The following DHODH variants were observed in gnomAD, a reference collection of about 807,000 sequenced individuals.
The protein encoded by DHODH is dihydroorotate dehydrogenase (quinone), mitochondrial.
Under a neutral mutation model 39.7 loss-of-function variants are expected in DHODH, and 30 were observed. The ratio of observed to expected loss-of-function variants is 0.76; its 90% confidence interval spans 0.57 to 1.02. The LOEUF (loss-of-function observed/expected upper bound fraction) is 1.02, where lower values mean the gene tolerates loss of function less well. Among genes scored for constraint, DHODH ranks in the 50% least tolerant of loss-of-function variants. The pLI is 0.00. For missense variants in DHODH, 531 were observed against 520.8 expected, an observed-to-expected ratio of 1.02 and a Z score of -0.19; for synonymous variants, 222 against 213.8, an observed-to-expected ratio of 1.04 and a Z score of -0.34.
At chr16:72,024,098 C>A in intron 8 of DHODH, 47 bp from the exon 9 acceptor site, 1 of 1,606,718 alleles carries the variant, frequency 6.2e-7, no homozygotes, top group South Asian at 1.1e-5. Context: ...AGAGCAGGGC[C>A]TGTTCTCCAC....
intron 1 of DHODH, among the ~76,000 whole-genome samples, chr16:72,011,604 T>G (rs2041082000): frequency 2.0e-5 from 3 of 152,192 alleles, no homozygotes; most frequent in Admixed American, 2.0e-4. Context: ...AAATATAGTT[T>G]GGCTTAGATA....
At chr16:72,022,255 T>C in intron 5 of DHODH, 107 bp from the exon 6 acceptor site, 2 of 794,038 alleles carry the variant, frequency 2.5e-6, no homozygotes, top group Non-Finnish European at 4.2e-6. Context: ...GTTTCTGCTT[T>C]AGTTTGATCG....
Position 72,023,551 on chromosome 16 carries a change from C to T in DHODH, c.1051C>T (p.Leu351=). 6.2e-7 allele frequency: 1 copy of T among 1,614,126 alleles called. No individual in the cohort carries two copies. The highest frequency in any genetic ancestry group is 8.5e-7 in the Non-Finnish European group (1 of 1,180,032). ...GGAGAAGATCCGGGCAGGGGCCTCC[C>T]TGGTGCAGCTGTACACGGCCCTCAC... The part of the protein sequence containing the change: ...ALEKIRAGAS[L]VQLYTALTFW... The change falls in exon 8 of 9, where the codon CTG becomes TTG. Residue 351 remains leucine (L), a synonymous_variant. Transcript: ENST00000219240.
chr16:72,023,433 C>T (rs1338378941), intron 7 of DHODH, 41 bp from the exon 8 acceptor site: 1 of 1,613,986 alleles, frequency 6.2e-7, no homozygotes, highest in Non-Finnish European at 8.5e-7. Context: ...GGGGCTGAAG[C>T]CACATCCTTC....
intron 5 of DHODH, among the ~76,000 whole-genome samples, 157 bp downstream of exon 5, chr16:72,021,468 G>C (rs1186765211): frequency 1.1e-4 from 16 of 152,158 alleles, no homozygotes; most frequent in Non-Finnish European, 2.9e-5. Context: ...AGTCCCCTCT[G>C]ATCCCCTCTC....
chr16:72,023,018 A>G (rs2041237947), intron 6 of DHODH, 147 bp from the exon 7 acceptor site: 1 of 760,174 alleles, frequency 1.3e-6, no homozygotes, highest in Non-Finnish European at 2.3e-6. Context: ...GTTGAGGAAA[A>G]GATGAGTAGT....
chr16:72,013,567 C>A (rs142933570), intron 2 of DHODH: 1 of 152,236 alleles, frequency 6.6e-6, no homozygotes, highest in Non-Finnish European at 1.5e-5. Flanking sequence ...TGGCTCTCCA[C>A]CCTTCACCTA....
In DHODH at chr16:72,024,254, C is replaced by T. The variant is rs1022387647; in HGVS notation, c.*55C>T. 1 of 1,589,886 alleles carries T rather than the reference C, an allele frequency of 6.3e-7. No individual in the cohort carries two copies. Among genetic ancestry groups the T allele is most frequent in the Non-Finnish European group, 8.6e-7 (1 of 1,158,776 alleles). Reference sequence around the variant, plus strand: ...GAACCTTCCCAAGGACTCAGGCAAGCCTTTGTGGCTGGATCATGAGAGGAG... The same window carrying T: ...GAACCTTCCCAAGGACTCAGGCAAGTCTTTGTGGCTGGATCATGAGAGGAG... On this transcript the variant is annotated 3_prime_UTR_variant, in exon 9 of 9. Transcript: ENST00000219240.
Position 72,021,237 on chromosome 16 carries a change from A to T in DHODH, c.631A>T (p.Asn211Tyr). Residue 211 changes from asparagine to tyrosine, a missense_variant, in exon 5 of 9, where the codon AAT (asparagine) becomes TAT (tyrosine). Coordinates refer to ENST00000219240, the MANE Select transcript of DHODH (RefSeq NM_001361.5). ...LGPLADYLVV[N>Y]VSSPNTAGLR... is the part of the protein sequence containing the mutation. ...CCCCCTGGCCGACTACCTGGTGGTG[A>T]ATGTGTCCAGCCCCAACACTGCCGG... is the stretch of plus-strand genomic sequence containing the variant. The T allele has an allele frequency of 6.2e-7, 1 of 1,613,026 alleles. No individual in the cohort carries two copies. The highest frequency in any genetic ancestry group is 8.5e-7 in the Non-Finnish European group (1 of 1,179,708).
chr16:72,017,508 T>A (rs1363757076), intron 4 of DHODH, among the ~76,000 whole-genome samples: 2 of 152,206 alleles, frequency 1.3e-5, no homozygotes, highest in African/African-American at 4.8e-5. Context: ...TATAGAAGAC[T>A]TAGTAAATAC....
Position 72,023,326 on chromosome 16 carries a change from T to A in DHODH, c.973+8T>A. ...TGTATGCACTCACCCAAGGCAAGGT[T>A]TCCCGTGTTTGTGTCTTCAGATCTG... On this transcript the variant is annotated splice_region_variant and intron_variant, in intron 7 of 8. Coordinates refer to ENST00000219240, the MANE Select transcript of DHODH (RefSeq NM_001361.5). The A allele has an allele frequency of 6.2e-7, 1 of 1,614,162 alleles. No homozygotes were observed. The highest frequency in any genetic ancestry group is 8.5e-7 in the Non-Finnish European group (1 of 1,180,046).
chr16:72,019,252 G>A (rs1050645446), intron 4 of DHODH, among the ~76,000 whole-genome samples: 6 of 152,206 alleles, frequency 3.9e-5, no homozygotes, highest in East Asian at 1.9e-4. Flanking sequence ...TGCTGCGCCC[G>A]GCTTCTAATT....
intron 1 of DHODH, among the ~76,000 whole-genome samples, chr16:72,011,301 G>C (rs544235974): frequency 6.6e-6 from 1 of 152,314 alleles, no homozygotes; most frequent in South Asian, 2.1e-4. Context: ...ATGTGAAACT[G>C]TACAGTTGTC....
At chr16:72,009,226 G>T in intron 1 of DHODH, 1 of 826,970 alleles carries the variant, frequency 1.2e-6, no homozygotes, top group Non-Finnish European at 1.5e-6. Flanking sequence ...TTCAGAGGCC[G>T]GGCGCGGTGG....
In DHODH at chr16:72,025,708, C is replaced by T. The variant is rs1309181472; in HGVS notation, c.*1509C>T. ...GGTTTTCAAGCTGCCCATTTCCCAC[C>T]GTGGAGACAGCAACAGAGGGGACAT... is the stretch of plus-strand genomic sequence containing the variant. On this transcript the variant is annotated 3_prime_UTR_variant, in exon 9 of 9. Transcript: ENST00000219240. The T allele has an allele frequency of 2.0e-5, 3 of 152,372 alleles. No homozygotes were observed. Among genetic ancestry groups the T allele is most frequent in the Admixed American group, 6.5e-5 (1 of 15,278 alleles). The allele number at this position is 152,372 out of a possible 1,614,324, so 9.4% of individuals were successfully genotyped here. A position where few individuals can be genotyped will look rare whatever the true frequency, so the allele number is the denominator to read the frequency against.
At chr16:72,011,956 G>T in intron 1 of DHODH, 94 bp from the exon 2 acceptor site, 1 of 979,554 alleles carries the variant, frequency 1.0e-6, no homozygotes, top group South Asian at 1.3e-5. Context: ...CATGTGACCT[G>T]CCGTTATGCC....
chr16:72,017,074 C>T lies in DHODH; in HGVS notation c.485C>T (p.Ala162Val), dbSNP rs780669502. The change falls in exon 4 of 9, where the codon GCC becomes GTC. Residue 162 changes from alanine to valine, a missense_variant. Coordinates refer to ENST00000219240, the MANE Select transcript of DHODH (RefSeq NM_001361.5). Reference sequence around the variant, plus strand: ...TCAGTGGTGGAACACAGGTTACGGGCCAGACAGCAGAAGCAGGCCAAGCTC... The same window carrying T: ...TCAGTGGTGGAACACAGGTTACGGGTCAGACAGCAGAAGCAGGCCAAGCTC... ...GLSVVEHRLR[A>V]RQQKQAKLTE... 2 of 1,613,830 alleles carry T rather than the reference C, an allele frequency of 1.2e-6. No individual in the cohort carries two copies. The highest frequency in any genetic ancestry group is 1.7e-5 in the Admixed American group (1 of 59,974).
chr16:72,020,372 T>TATATGTGTATATATATATA (rs746414347), intron 4 of DHODH: 2 of 70,890 alleles, frequency 2.8e-5, no homozygotes, highest in African/African-American at 1.3e-4. Flanking sequence ...TATATATATA[T>TATATGTGTATATATATATA]TTTTTTTTTT....
intron 1 of DHODH, 177 bp downstream of exon 1, chr16:72,008,962 G>T: frequency 6.7e-7 from 1 of 1,501,942 alleles, no homozygotes; most frequent in South Asian, 1.3e-5. Context: ...ATTTGCACGT[G>T]GACTCGGTCA....
Sources: allele counts gnomAD v4.1 joint callset (sites outside exome capture counted in the v4.1 genomes callset), GRCh38; gene constraint gnomAD v4.1.1; transcripts MANE v1.5; gene names NCBI Gene and HGNC (gene_info 2026-07-23, HGNC 2026-07-21).